Variants in EYS observed in about 807,000 individuals in gnomAD.
EYS encodes protein eyes shut homolog.
Under a neutral mutation model 282.1 loss-of-function variants are expected in EYS, and 250 were observed. The observed-to-expected ratio is 0.89, with a 90% CI of 0.80 to 0.98. The LOEUF (loss-of-function observed/expected upper bound fraction) is 0.98, where lower values mean the gene tolerates loss of function less well. Ranked by LOEUF, EYS falls within the 50% of genes least tolerant of loss-of-function variation. The pLI is 0.00. For synonymous variants in EYS, 1,355 were observed against 1,282.9 expected, an observed-to-expected ratio of 1.06 and a Z score of -1.20; for missense variants, 4,016 against 3,709.0, an observed-to-expected ratio of 1.08 and a Z score of -2.15.
chr6:64,656,387 A>G (rs1931852), intron 22 of EYS, among the ~76,000 whole-genome samples: 97,218 of 151,882 alleles, frequency 0.64, 31,343 homozygotes, highest in African/African-American at 0.71. Context: ...TAACCCTACA[A>G]CCTTGACTGA....
intron 35 of EYS, among the ~76,000 whole-genome samples, chr6:63,897,369 A>AT (rs1206366685): frequency 2.6e-5 from 4 of 152,186 alleles, no homozygotes; most frequent in African/African-American, 9.7e-5. Flanking sequence ...TATATTTTGG[A>AT]TTATCTGGGT....
intron 35 of EYS, among the ~76,000 whole-genome samples, chr6:63,956,982 T>C (rs1765853493): frequency 6.6e-6 from 1 of 152,200 alleles, no homozygotes; most frequent in African/African-American, 2.4e-5. Context: ...ACATTACAGA[T>C]GTTACTTTAG....
chr6:64,951,647 A>G (rs934187601), intron 14 of EYS, among the ~76,000 whole-genome samples: 1 of 151,862 alleles, frequency 6.6e-6, no homozygotes, highest in East Asian at 1.9e-4. Flanking sequence ...GAAAACTGAA[A>G]TCTATAAAAG....
intron 33 of EYS, among the ~76,000 whole-genome samples, chr6:64,007,450 T>C (rs1768403813): frequency 6.6e-6 from 1 of 151,706 alleles, no homozygotes; most frequent in Non-Finnish European, 1.5e-5. Flanking sequence ...AACACATAGG[T>C]TTTTTGATCT....
At chr6:64,701,294 G>A (rs1206449396) in intron 22 of EYS, among the ~76,000 whole-genome samples, 1 of 152,002 alleles carries the variant, frequency 6.6e-6, no homozygotes, top group Non-Finnish European at 1.5e-5. Context: ...AAGAAATCTT[G>A]GATATTTGCC....
chr6:64,375,812 TA>T (rs1772543498), intron 29 of EYS, among the ~76,000 whole-genome samples: 1 of 152,148 alleles, frequency 6.6e-6, no homozygotes, highest in Admixed American at 6.6e-5. Flanking sequence ...TATGAAAGTT[TA>T]AAAAATGATA....
intron 8 of EYS, among the ~76,000 whole-genome samples, chr6:65,360,025 A>C (rs200203830): frequency 6.6e-6 from 1 of 151,962 alleles, no homozygotes; most frequent in Admixed American, 6.6e-5. Context: ...TTTATTCTCT[A>C]TTCCCCAATA....
chr6:65,514,139 C>A (rs1199567645), intron 2 of EYS, among the ~76,000 whole-genome samples: 1 of 151,942 alleles, frequency 6.6e-6, no homozygotes, highest in African/African-American at 2.4e-5. Context: ...CATTCTTATA[C>A]ACCAATAACA....
intron 31 of EYS, among the ~76,000 whole-genome samples, chr6:64,099,503 C>T (rs1038518033): frequency 5.9e-5 from 9 of 152,288 alleles, no homozygotes; most frequent in Admixed American, 2.6e-4. Context: ...CTCTCCAACA[C>T]TGTATCACAA....
chr6:64,385,769 T>A (rs1378548065), intron 29 of EYS, among the ~76,000 whole-genome samples: 1 of 149,862 alleles, frequency 6.7e-6, no homozygotes, highest in Non-Finnish European at 1.5e-5. Flanking sequence ...CATTTATTCT[T>A]CCTCAGAATA....
chr6:65,467,350 G>T (rs1004621932), intron 5 of EYS, among the ~76,000 whole-genome samples: 12 of 151,926 alleles, frequency 7.9e-5, no homozygotes, highest in African/African-American at 2.9e-4. Flanking sequence ...GTAAAATACT[G>T]AATGAATACA....
chr6:64,600,442 A>G (rs1321228483), intron 24 of EYS, among the ~76,000 whole-genome samples: 1 of 152,140 alleles, frequency 6.6e-6, no homozygotes, highest in Non-Finnish European at 1.5e-5. Context: ...AAACTCTAGT[A>G]ATAATCAAAT....
chr6:65,508,377 A>C (rs1766736880), intron 2 of EYS, among the ~76,000 whole-genome samples: 1 of 152,076 alleles, frequency 6.6e-6, no homozygotes, highest in Non-Finnish European at 1.5e-5. Flanking sequence ...CTGTAGCCTT[A>C]AGAAATGTTT....
At chr6:65,508,431 T>C (rs1215395281) in intron 2 of EYS, among the ~76,000 whole-genome samples, 1 of 152,038 alleles carries the variant, frequency 6.6e-6, no homozygotes, top group Admixed American at 6.6e-5. Context: ...CCCAGCACTT[T>C]GGGAGGCCTA....
chr6:64,950,677 G>T (rs1446562657), intron 14 of EYS, among the ~76,000 whole-genome samples: 1 of 148,950 alleles, frequency 6.7e-6, no homozygotes, highest in Admixed American at 6.7e-5. Context: ...AAAACAAAAT[G>T]GGAATGTACT....
At chr6:63,837,256 C>A (rs1415650301) in intron 36 of EYS, among the ~76,000 whole-genome samples, 1 of 152,010 alleles carries the variant, frequency 6.6e-6, no homozygotes. Context: ...TTCTAGAGCA[C>A]CCTGGTTAAA....
At chr6:64,556,214 C>T (rs9444978) in intron 26 of EYS, among the ~76,000 whole-genome samples, 66,390 of 151,622 alleles carry the variant, frequency 0.44, 14,598 homozygotes, top group South Asian at 0.56. Context: ...TCAAAATTGA[C>T]GAGAACTGAA....
chr6:64,537,421 G>C (rs1302961551), intron 26 of EYS, among the ~76,000 whole-genome samples: 2 of 151,766 alleles, frequency 1.3e-5, no homozygotes, highest in Non-Finnish European at 2.9e-5. Context: ...TGGACATTTG[G>C]GTTGGTTCCA....
At chr6:65,140,627 A>C (rs1764305521) in intron 12 of EYS, among the ~76,000 whole-genome samples, 1 of 151,152 alleles carries the variant, frequency 6.6e-6, no homozygotes, top group East Asian at 1.9e-4. Flanking sequence ...TCTACAATGA[A>C]CTCAAACAAA....
Sources: allele counts gnomAD v4.1 joint callset (sites outside exome capture counted in the v4.1 genomes callset), GRCh38; gene constraint gnomAD v4.1.1; transcripts MANE v1.5; gene names NCBI Gene and HGNC (gene_info 2026-07-23, HGNC 2026-07-21).